VPS13B: variants seen among roughly 807,000 people sequenced by gnomAD.
VPS13B encodes intermembrane lipid transfer protein VPS13B.
A neutral mutation model predicts 426.4 loss-of-function variants in VPS13B; 285 were observed. The observed-to-expected ratio is 0.67, with a 90% confidence interval of 0.61 to 0.74. The LOEUF is 0.74. VPS13B is among the 30% of genes least tolerant of loss of function. The pLI is 0.00. For missense variants in VPS13B, 4,537 were observed against 4,782.6 expected (o/e 0.95, Z 1.51); for synonymous variants, 1,676 against 1,676.4 (o/e 1.00, Z 0.01).
rs527648872 is a variant in VPS13B at position 99,050,720 on chromosome 8, G to A, written c.291+12154G>A. Among the ~76,000 whole-genome samples, 137 of 152,260 alleles carry A rather than the reference G, an allele frequency of 9.0e-4. 2 individuals are homozygous for A. In the East Asian group the frequency reaches 0.025, roughly 28 times the overall value. ...GTTGTTTCCTGACTTTTTAATGAGT[G>A]CCATTCTAACTGGTGTGAGATGGTA... On this transcript the variant is annotated intron_variant, in intron 3 of 61. Coordinates refer to ENST00000357162, the MANE Select transcript of VPS13B (RefSeq NM_152564.5).
At chr8:99,550,956 G>T (rs1164902504) in intron 30 of VPS13B, among the ~76,000 whole-genome samples, 1 of 152,024 alleles carries the variant, frequency 6.6e-6, no homozygotes, top group African/African-American at 2.4e-5. Flanking sequence ...GGCCTAGCAG[G>T]TTGTCGGATT....
chr8:99,028,104 G>T (rs530741873), intron 2 of VPS13B, among the ~76,000 whole-genome samples: 5 of 152,292 alleles, frequency 3.3e-5, no homozygotes, highest in Admixed American at 6.5e-5. Context: ...AGTCTCCCAT[G>T]TCTACTTCTC....
At chr8:99,705,468 GATACACTAATCATTAT>G (rs1465709277) in intron 36 of VPS13B, among the ~76,000 whole-genome samples, 1 of 151,882 alleles carries the variant, frequency 6.6e-6, no homozygotes, top group African/African-American at 2.4e-5. Context: ...TATATGATTA[GATACACTAATCATTAT>G]TAATTACCAC....
chr8:99,512,508 C>T (rs569231276), intron 29 of VPS13B, among the ~76,000 whole-genome samples: 1 of 152,204 alleles, frequency 6.6e-6, no homozygotes, highest in South Asian at 2.1e-4. Context: ...AGATAATTCC[C>T]TGAGGACTGT....
At chr8:99,585,561 C>T (rs557502828) in intron 33 of VPS13B, among the ~76,000 whole-genome samples, 63 of 152,064 alleles carry the variant, frequency 4.1e-4, no homozygotes, top group African/African-American at 1.4e-3. Context: ...AGCACTATAT[C>T]GGTAGAATTT....
At chr8:99,393,244 G>A (rs181578697) in intron 21 of VPS13B, among the ~76,000 whole-genome samples, 3 of 152,080 alleles carry the variant, frequency 2.0e-5, no homozygotes, top group East Asian at 1.9e-4. Context: ...CTGTATATGC[G>A]TGGAAAAGTT....
intron 30 of VPS13B, 56 bp downstream of exon 30, chr8:99,521,066 A>G (rs1186915027): frequency 1.5e-6 from 2 of 1,341,044 alleles, no homozygotes; most frequent in Non-Finnish European, 2.1e-6. Context: ...GCAAACACAT[A>G]TAGTGGTCAA....
rs77464737 is a variant in VPS13B, at chr8:99,567,189, A to G, written c.4950-8469A>G. On this transcript the variant is annotated intron_variant, in intron 31 of 61. Transcript: ENST00000357162. ...CTGAGAAACATTCAGCAATACCCCT[A>G]GTCGCTCCCTCTTCCATGAAGTTTT... is the stretch of plus-strand genomic sequence containing the variant. Among the ~76,000 whole-genome samples the G allele has an allele frequency of 1.8e-3, 272 of 152,286 alleles. 4 individuals carry two copies. In the East Asian group the frequency reaches 0.033, roughly 19 times the overall value.
At chr8:99,253,744 G>A in intron 17 of VPS13B, among the ~76,000 whole-genome samples, 1 of 152,062 alleles carries the variant, frequency 6.6e-6, no homozygotes, top group East Asian at 1.9e-4. Context: ...TAATTGATAT[G>A]TTAGACTCTA....
At chr8:99,342,221 T>C (rs539183392) in intron 19 of VPS13B, among the ~76,000 whole-genome samples, 1 of 152,368 alleles carries the variant, frequency 6.6e-6, no homozygotes, top group African/African-American at 2.4e-5. Flanking sequence ...ATATCTGTCA[T>C]GTCGTTTACC....
chr8:99,314,190 A>C (rs1821180425), intron 19 of VPS13B, among the ~76,000 whole-genome samples: 1 of 152,032 alleles, frequency 6.6e-6, no homozygotes, highest in South Asian at 2.1e-4. Context: ...CCCACTGTCC[A>C]ACAAGCCCCA....
chr8:99,480,667 C>CA (rs941091259), intron 24 of VPS13B, among the ~76,000 whole-genome samples: 3 of 151,974 alleles, frequency 2.0e-5, no homozygotes, highest in African/African-American at 2.4e-5. Flanking sequence ...CTTCATTACA[C>CA]AAAAAACAGG....
At chr8:99,614,392 C>T (rs1186048867) in intron 33 of VPS13B, among the ~76,000 whole-genome samples, 1 of 152,120 alleles carries the variant, frequency 6.6e-6, no homozygotes, top group Non-Finnish European at 1.5e-5. Flanking sequence ...ATTCTCCTGC[C>T]TCAGACTCCC....
At chr8:99,134,994 A>G in intron 9 of VPS13B, 21 bp from the exon 10 acceptor site, 1 of 1,613,206 alleles carries the variant, frequency 6.2e-7, no homozygotes, top group Non-Finnish European at 8.5e-7. Context: ...CTTAGTTCTA[A>G]TGTTTCCTTT....
chr8:99,377,557 G>A (rs1274428355), intron 19 of VPS13B, among the ~76,000 whole-genome samples: 1 of 152,194 alleles, frequency 6.6e-6, no homozygotes, highest in South Asian at 2.1e-4. Flanking sequence ...CTTTCTCATA[G>A]TTTATCTTCA....
At chr8:99,662,635 A>G (rs1830282637) in intron 35 of VPS13B, among the ~76,000 whole-genome samples, 2 of 151,906 alleles carry the variant, frequency 1.3e-5, no homozygotes, top group Admixed American at 1.3e-4. Context: ...TTTAGTAGAG[A>G]TGAGGTCTCG....
chr8:99,766,811 A>G lies in VPS13B; in HGVS notation c.7088A>G (p.Lys2363Arg), dbSNP rs778935189. Residue 2363 changes from lysine (K) to arginine (R), a missense_variant, in exon 40 of 62, where the codon AAG becomes AGG. This residue lies in a region of VPS13B where 4,311 missense variants were observed against 4,474.3 expected (regional missense o/e 0.96). Coordinates refer to ENST00000357162, the MANE Select transcript of VPS13B (RefSeq NM_152564.5). ...CSLEYWDELQ[K>R]VFVAFREFNL... is the part of the protein sequence containing the mutation. ...TTGGAATACTGGGATGAACTCCAGA[A>G]GGTTTTTGTTGCATTTAGAGAATTT... The G allele has an allele frequency of 2.3e-5, 37 of 1,613,942 alleles. No individual in the cohort carries two copies. In the East Asian group the frequency reaches 4.2e-4, roughly 18 times the overall value.
chr8:99,422,750 A>T (rs1816442920), intron 21 of VPS13B, among the ~76,000 whole-genome samples: 1 of 152,316 alleles, frequency 6.6e-6, no homozygotes, highest in South Asian at 2.1e-4. Flanking sequence ...TCTGAAACAT[A>T]TATAGTAAAG....
At chr8:99,237,874 T>A (rs1008967518) in intron 17 of VPS13B, among the ~76,000 whole-genome samples, 15 of 121,120 alleles carry the variant, frequency 1.2e-4, no homozygotes, top group Admixed American at 4.7e-4. Context: ...TGGGGTTATT[T>A]TTTTTTTTTT....
Sources: allele counts gnomAD v4.1 joint callset (sites outside exome capture counted in the v4.1 genomes callset), GRCh38; gene constraint gnomAD v4.1.1; regional missense constraint gnomAD v4.1.1; transcripts MANE v1.5; gene names NCBI Gene and HGNC (gene_info 2026-07-23, HGNC 2026-07-21).